Variants in SYT2 observed in about 807,000 individuals in gnomAD.
SYT2 encodes the protein synaptotagmin 2, also known as synaptotagmin-2.
SYT2 carries 15 observed loss-of-function variants against 39.9 expected under a neutral mutation model. The ratio of observed to expected loss-of-function variants is 0.38; its 90% CI spans 0.25 to 0.58. The LOEUF (loss-of-function observed/expected upper bound fraction) is 0.58. Ranked by LOEUF, SYT2 falls within the 20% of genes least tolerant of loss-of-function variation. SYT2 has a pLI of 0.70. For missense variants in SYT2, 389 were observed against 530.3 expected (o/e 0.73, Z 2.62); for synonymous variants, 181 against 204.5 (o/e 0.89, Z 0.98).
chr1:202,684,208 G>T (rs764546304), intron 1 of SYT2, among the ~76,000 whole-genome samples: 2 of 152,030 alleles, frequency 1.3e-5, no homozygotes, highest in Admixed American at 6.5e-5. Context: ...CACATGATTC[G>T]GTATGATTAA....
chr1:202,606,328 A>G (rs2149072802), intron 1 of SYT2, among the ~76,000 whole-genome samples: 1 of 152,002 alleles, frequency 6.6e-6, no homozygotes, highest in East Asian at 1.9e-4. Context: ...ATAGCTAATC[A>G]CTCTCCTATA....
intron 1 of SYT2, among the ~76,000 whole-genome samples, chr1:202,621,216 C>CT (rs1247030590): frequency 6.6e-6 from 1 of 152,196 alleles, no homozygotes; most frequent in Non-Finnish European, 1.5e-5. Context: ...CTCTTCCACC[C>CT]TCTGGTACTT....
chr1:202,642,865 G>A (rs1362747124), intron 1 of SYT2, among the ~76,000 whole-genome samples: 4 of 152,206 alleles, frequency 2.6e-5, no homozygotes, highest in African/African-American at 9.6e-5. Flanking sequence ...CCCTTCCCAC[G>A]GCTTCTCTGC....
intron 3 of SYT2, among the ~76,000 whole-genome samples, chr1:202,603,871 TCCTAGTCACCC>T (rs1229940129): frequency 1.3e-5 from 2 of 152,086 alleles, no homozygotes; most frequent in Non-Finnish European, 2.9e-5. Flanking sequence ...AAGAGATTCC[TCCTAGTCACCC>T]CCAAACAAAC....
rs1397274171 is a variant in SYT2 at position 202,623,167 on chromosome 1, C to G, written c.-17-17378G>C. 6.6e-6 allele frequency among the ~76,000 whole-genome samples: 1 copy of G among 152,226 alleles called. No individual in the cohort carries two copies. Among genetic ancestry groups the G allele is most frequent in the African/African-American group, 2.4e-5 (1 of 41,456 alleles). ...TCAGCACACCCTCCGCTCTGCCACCCCAGCCAGGATCACAACTTGAAACAG... is the reference window on the plus strand; with the variant it reads ...TCAGCACACCCTCCGCTCTGCCACCGCAGCCAGGATCACAACTTGAAACAG... On this transcript the variant is annotated intron_variant, in intron 1 of 8. Transcript: ENST00000367268. The surrounding 1 kb of genome is among the most constrained non-coding windows in gnomAD (Gnocchi z 4.2).
chr1:202,675,054 A>G (rs1346689695), intron 1 of SYT2, among the ~76,000 whole-genome samples: 1 of 152,154 alleles, frequency 6.6e-6, no homozygotes, highest in African/African-American at 2.4e-5. Context: ...TTTCTTGTTT[A>G]TTACAGCATC....
At chr1:202,685,314 C>T (rs10920454) in intron 1 of SYT2, among the ~76,000 whole-genome samples, 39,847 of 152,006 alleles carry the variant, frequency 0.26, 5,571 homozygotes, top group East Asian at 0.38. Flanking sequence ...CCACCACCAC[C>T]TGCTATTCCA....
chr1:202,642,103 C>G (rs1372570908), intron 1 of SYT2, among the ~76,000 whole-genome samples: 2 of 152,134 alleles, frequency 1.3e-5, no homozygotes, highest in Non-Finnish European at 2.9e-5. Flanking sequence ...ACCTCAGATA[C>G]CTTAAATTCC....
intron 1 of SYT2, among the ~76,000 whole-genome samples, chr1:202,660,827 A>G (rs1692361962): frequency 6.6e-6 from 1 of 151,986 alleles, no homozygotes; most frequent in Admixed American, 6.6e-5. Context: ...GAAAGGAGAG[A>G]TGGTTCTGAG....
chr1:202,701,581 G>A (rs1004427343), intron 1 of SYT2, among the ~76,000 whole-genome samples: 9 of 152,130 alleles, frequency 5.9e-5, no homozygotes, highest in South Asian at 2.1e-4. Flanking sequence ...TTTGCTTAGC[G>A]GGTGTGTAGT....
intron 1 of SYT2, among the ~76,000 whole-genome samples, chr1:202,675,057 A>C (rs1298976414): frequency 6.6e-6 from 1 of 152,136 alleles, no homozygotes; most frequent in Non-Finnish European, 1.5e-5. Flanking sequence ...CTTGTTTATT[A>C]CAGCATCCCC....
chr1:202,638,986 T>G (rs980456519), intron 1 of SYT2, among the ~76,000 whole-genome samples: 15 of 152,162 alleles, frequency 9.9e-5, no homozygotes, highest in Non-Finnish European at 1.5e-4. Flanking sequence ...TTGGAAGTAA[T>G]ATTTCTGTCT....
chr1:202,639,590 C>T, intron 1 of SYT2: 1 of 985,474 alleles, frequency 1.0e-6, no homozygotes, highest in Non-Finnish European at 1.2e-6. Context: ...AAGGCTGCAT[C>T]TCACAGCCTT....
chr1:202,658,178 G>A (rs1315023112), intron 1 of SYT2, among the ~76,000 whole-genome samples: 1 of 152,112 alleles, frequency 6.6e-6, no homozygotes, highest in Non-Finnish European at 1.5e-5. Flanking sequence ...CTGTGAGCTG[G>A]GAGACTGCAG....
chr1:202,639,382 T>C (rs1691837008), intron 1 of SYT2: 1 of 355,156 alleles, frequency 2.8e-6, no homozygotes. Context: ...GGAAAGAGCG[T>C]TGGATTGAGG....
Position 202,611,305 on chromosome 1 carries a change from A to G in SYT2, c.-17-5516T>C, listed in dbSNP as rs186639920. Among the ~76,000 whole-genome samples, 92 of 151,992 alleles carry G rather than the reference A, an allele frequency of 6.1e-4. No individual in the cohort carries two copies. In the East Asian group the frequency reaches 0.016, roughly 26 times the overall value. ...CTTTTTGAACATATAATTTGCAAAT[A>G]TTTTCTCTCATTCTAGGGTTATATT... On this transcript the variant is annotated intron_variant, in intron 1 of 8. Transcript: ENST00000367268.
intron 1 of SYT2, among the ~76,000 whole-genome samples, chr1:202,625,374 TGTGTGTGTA>T (rs1343097229): frequency 9.4e-4 from 135 of 143,690 alleles, no homozygotes; most frequent in African/African-American, 3.3e-3. Context: ...GTGTGTGGTG[TGTGTGTGTA>T]GTGTGTGTGG....
At chr1:202,699,005 ACTGT>A (rs1393498324) in intron 1 of SYT2, among the ~76,000 whole-genome samples, 2 of 134,184 alleles carry the variant, frequency 1.5e-5, no homozygotes, top group Non-Finnish European at 3.2e-5. Context: ...CAGTAACCAA[ACTGT>A]CTTTTTTTTT....
chr1:202,692,633 C>T (rs956517422), intron 1 of SYT2, among the ~76,000 whole-genome samples: 1 of 152,202 alleles, frequency 6.6e-6, no homozygotes, highest in African/African-American at 2.4e-5. Flanking sequence ...GGAGCTCATC[C>T]TCCTCATTTT....
Sources: gnomAD v4.1 joint callset for allele counts (sites outside exome capture counted in the v4.1 genomes callset) on GRCh38, gnomAD v4.1.1 for gene constraint, Gnocchi (gnomAD v3.1) non-coding constraint, MANE v1.5 for transcripts, NCBI Gene and HGNC (gene_info 2026-07-23, HGNC 2026-07-21) for gene names.